The following DYM variants were observed in gnomAD, a reference collection of about 807,000 sequenced individuals.
DYM encodes dyggve-Melchior-Clausen syndrome protein.
DYM carries 78 observed loss-of-function variants against 93.1 expected under a neutral mutation model. The ratio of observed to expected loss-of-function variants is 0.84; its 90% CI spans 0.70 to 1.01. DYM has a LOEUF of 1.01. Ranked by LOEUF, DYM falls within the 50% of genes least tolerant of loss-of-function variation. The pLI is 0.00. For missense variants in DYM, 789 were observed against 845.0 expected, an observed-to-expected ratio of 0.93 and a Z score of 0.82; for synonymous variants, 321 against 319.7, an observed-to-expected ratio of 1.00 and a Z score of -0.04.
intron 13 of DYM, among the ~76,000 whole-genome samples, chr18:49,210,429 T>C (rs956638610): frequency 3.3e-5 from 5 of 152,216 alleles, no homozygotes; most frequent in Admixed American, 3.3e-4. Flanking sequence ...CCTAAATTAC[T>C]AAGTGAAAGC....
At chr18:49,436,859 T>C (rs1015433531) in intron 1 of DYM, among the ~76,000 whole-genome samples, 2 of 152,194 alleles carry the variant, frequency 1.3e-5, no homozygotes, top group Admixed American at 1.3e-4. Context: ...TAACAATTTG[T>C]TCTCAGTTAA....
intron 7 of DYM, among the ~76,000 whole-genome samples, chr18:49,332,966 C>A (rs189778684): frequency 1.3e-5 from 2 of 152,240 alleles, no homozygotes; most frequent in Admixed American, 1.3e-4. Context: ...CCTCTGACTC[C>A]AAAGCCCAGA....
At chr18:49,141,177 A>C (rs1238167497) in intron 15 of DYM, among the ~76,000 whole-genome samples, 1 of 152,028 alleles carries the variant, frequency 6.6e-6, no homozygotes, top group African/African-American at 2.4e-5. Flanking sequence ...TGCTGATGTC[A>C]CCTATGTTTC....
intron 15 of DYM, among the ~76,000 whole-genome samples, chr18:49,124,357 A>G: frequency 6.6e-6 from 1 of 151,894 alleles, no homozygotes; most frequent in East Asian, 1.9e-4. Flanking sequence ...CTTAAAAATT[A>G]GCTAGGAGTG....
At chr18:49,060,883 A>C (rs2075937292) in intron 17 of DYM, among the ~76,000 whole-genome samples, 1 of 152,012 alleles carries the variant, frequency 6.6e-6, no homozygotes, top group Non-Finnish European at 1.5e-5. Context: ...GAGAAGTGTA[A>C]GGCACTGCCT....
intron 13 of DYM, among the ~76,000 whole-genome samples, chr18:49,250,881 G>A (rs1194291321): frequency 6.6e-6 from 1 of 152,234 alleles, no homozygotes; most frequent in African/African-American, 2.4e-5. Flanking sequence ...AATGGCAATT[G>A]AAGACGAAGG....
chr18:49,110,161 G>A (rs2081260659), intron 16 of DYM, among the ~76,000 whole-genome samples: 1 of 152,174 alleles, frequency 6.6e-6, no homozygotes, highest in South Asian at 2.1e-4. Context: ...AATTGTGATA[G>A]GGACTATGTG....
chr18:49,434,072 G>T (rs774422266), intron 1 of DYM, among the ~76,000 whole-genome samples: 1 of 152,026 alleles, frequency 6.6e-6, no homozygotes, highest in Admixed American at 6.6e-5. Flanking sequence ...TAGGCTGGGC[G>T]CGGTGGCTCA....
intron 1 of DYM, among the ~76,000 whole-genome samples, chr18:49,455,024 C>G (rs1026469496): frequency 6.6e-6 from 1 of 151,538 alleles, no homozygotes; most frequent in Non-Finnish European, 1.5e-5. Flanking sequence ...ATTAGACTTT[C>G]CACTCCTTAA....
rs1293996280 is a variant in DYM at position 49,036,910 on chromosome 18, T to G, written c.*7145A>C. On this transcript the variant is annotated 3_prime_UTR_variant, in exon 18 of 18. Transcript: ENST00000675505. ...TTAAGGGGTTATGAATTCTTTTATT[T>G]ATTTATTTTGGGACGGAGTCTCGCT... Among the ~76,000 whole-genome samples the G allele has an allele frequency of 6.6e-6, 1 of 151,672 alleles. No homozygotes were observed. The highest frequency in any genetic ancestry group is 1.5e-5 in the Non-Finnish European group (1 of 67,920).
intron 1 of DYM, among the ~76,000 whole-genome samples, chr18:49,445,468 C>T (rs12604948): frequency 0.092 from 13,877 of 151,432 alleles, 855 homozygotes; most frequent in East Asian, 0.31. Flanking sequence ...AAATTTAAAA[C>T]AAAAGAACGG....
intron 14 of DYM, among the ~76,000 whole-genome samples, chr18:49,201,265 A>G (rs1001652863): frequency 6.6e-6 from 1 of 152,218 alleles, no homozygotes; most frequent in African/African-American, 2.4e-5. Context: ...AATATTTCAT[A>G]CTACACCATT....
chr18:49,219,377 A>G (rs1165116786), intron 13 of DYM, among the ~76,000 whole-genome samples: 1 of 152,218 alleles, frequency 6.6e-6, no homozygotes, highest in Admixed American at 6.5e-5. Context: ...ATCAATAGAA[A>G]AAGAGGGAAC....
At chr18:49,161,423 C>T (rs758870101) in intron 15 of DYM, among the ~76,000 whole-genome samples, 3 of 152,178 alleles carry the variant, frequency 2.0e-5, no homozygotes, top group Non-Finnish European at 1.5e-5. Context: ...ATATTCAACA[C>T]ATTTTTGTGG....
chr18:49,183,256 G>A (rs1167039023), intron 14 of DYM, among the ~76,000 whole-genome samples: 1 of 152,156 alleles, frequency 6.6e-6, no homozygotes, highest in Non-Finnish European at 1.5e-5. Flanking sequence ...GTAAATGCCA[G>A]TCATTGATAG....
intron 13 of DYM, among the ~76,000 whole-genome samples, chr18:49,254,287 TA>T (rs1261069697): frequency 1.2e-3 from 1 of 832 alleles, no homozygotes; most frequent in Non-Finnish European, 5.8e-3. Flanking sequence ...GTATCATATA[TA>T]TATATATATA....
chr18:49,390,260 T>C (rs1219024922), intron 3 of DYM, among the ~76,000 whole-genome samples: 3 of 151,928 alleles, frequency 2.0e-5, no homozygotes, highest in Admixed American at 6.6e-5. Context: ...CCCCCATCTA[T>C]ACAAAAATAA....
intron 15 of DYM, among the ~76,000 whole-genome samples, chr18:49,141,254 G>A (rs2084460712): frequency 6.6e-6 from 1 of 152,120 alleles, no homozygotes; most frequent in Admixed American, 6.5e-5. Context: ...GTTGACAACT[G>A]GACTCCCAGC....
intron 2 of DYM, among the ~76,000 whole-genome samples, chr18:49,404,694 T>C (rs936343326): frequency 6.6e-6 from 1 of 152,172 alleles, no homozygotes; most frequent in Non-Finnish European, 1.5e-5. Context: ...TTTTTCATGT[T>C]TGTTGGCTTC....
Sources: gnomAD v4.1 joint callset for allele counts (sites outside exome capture counted in the v4.1 genomes callset) on GRCh38, gnomAD v4.1.1 for gene constraint, MANE v1.5 for transcripts, NCBI Gene and HGNC (gene_info 2026-07-23, HGNC 2026-07-21) for gene names.